Variants in MTHFSD observed in about 807,000 individuals in gnomAD.
MTHFSD encodes methenyltetrahydrofolate synthase domain-containing protein.
MTHFSD carries 37 observed loss-of-function variants against 31.1 expected under a neutral mutation model. That is an observed-to-expected ratio of 1.19 (90% CI 0.91 to 1.56). The LOEUF is 1.56. Ranked by LOEUF, MTHFSD falls within the 40% of genes most tolerant of loss-of-function variation. The probability of loss-of-function intolerance (pLI) is 0.00; values close to 1 mark genes in which losing one functional copy is unlikely to be tolerated. For synonymous variants in MTHFSD, 221 were observed against 206.9 expected, an observed-to-expected ratio of 1.07 and a Z score of -0.59; for missense variants, 664 against 510.1, an observed-to-expected ratio of 1.30 and a Z score of -2.91.
At chr16:86,541,947 G>T in intron 6 of MTHFSD, 125 bp from the exon 7 acceptor site, 1 of 1,398,022 alleles carries the variant, frequency 7.2e-7, no homozygotes, top group Non-Finnish European at 9.9e-7. Context: ...TGGGGCTAAG[G>T]CTTAGCCGCT....
chr16:86,547,170 A>C, intron 4 of MTHFSD: 2 of 986,944 alleles, frequency 2.0e-6, no homozygotes, highest in African/African-American at 3.5e-5. Context: ...TTTATTCAAT[A>C]TAAAATCCTG....
chr16:86,552,099 G>C lies in MTHFSD; in HGVS notation c.171C>G (p.Ala57=), dbSNP rs772869091. The change falls in exon 3 of 8, where the codon GCC becomes GCG. Residue 57 remains alanine (A), a synonymous_variant. Coordinates refer to ENST00000360900, the MANE Select transcript of MTHFSD (RefSeq NM_001159377.2). ...GGTCCACTTTAACTTCCTGTGTTCT[G>C]GCAAAAACGTCTAGGTCTTTGATGT... ...CQNIKDLDVF[A]RTQEVKVDPD... The C allele has an allele frequency of 6.2e-7, 1 of 1,614,124 alleles. No individual in the cohort carries two copies.
In MTHFSD at chr16:86,532,187, G is replaced by A; in HGVS notation, c.976C>T (p.Leu326=). 2 of 1,580,050 alleles carry A rather than the reference G, an allele frequency of 1.3e-6. No homozygotes were observed. Among genetic ancestry groups the A allele is most frequent in the Non-Finnish European group, 1.7e-6 (2 of 1,163,054 alleles). ...DARVSDLKRA[L]RELGSVPLRL... ...AGGGGCACGGAGCCGAGTTCCCGCA[G>A]GGCTCTCTTCAGGTCACTCACACGG... Residue 326 remains leucine (L), a synonymous_variant, in exon 8 of 8, where the codon CTG becomes TTG. Coordinates refer to ENST00000360900, the MANE Select transcript of MTHFSD (RefSeq NM_001159377.2).
intron 3 of MTHFSD, among the ~76,000 whole-genome samples, chr16:86,551,758 C>G (rs765626793): frequency 6.6e-6 from 1 of 152,204 alleles, no homozygotes; most frequent in African/African-American, 2.4e-5. Context: ...GGTTCCCTCT[C>G]CTGTGCCAAC....
chr16:86,546,165 G>A lies in MTHFSD; in HGVS notation c.442+394C>T, dbSNP rs78979106. 2.3e-3 allele frequency among the ~76,000 whole-genome samples: 356 copies of A among 152,364 alleles called. 1 individual carries two copies. The highest frequency in any genetic ancestry group is 0.014 in the Middle Eastern group (4 of 294). On this transcript the variant is annotated intron_variant, in intron 5 of 7. Transcript: ENST00000360900. ...GACACACCGTGTTGTTCAAGAGTCT[G>A]CTGCTTCATAATAAAAACAAAGCTT...
chr16:86,538,465 C>T (rs1298930056), intron 7 of MTHFSD, among the ~76,000 whole-genome samples: 1 of 152,204 alleles, frequency 6.6e-6, no homozygotes, highest in Non-Finnish European at 1.5e-5. Context: ...CATAGGACAC[C>T]ACTCAGCCCT....
intron 7 of MTHFSD, chr16:86,535,439 T>C: frequency 1.0e-6 from 1 of 985,428 alleles, no homozygotes; most frequent in Non-Finnish European, 1.2e-6. Flanking sequence ...TGTCTGGACG[T>C]CATGGTTGGG....
rs371031373 is a variant in MTHFSD, at chr16:86,532,523, G to A, written c.682-42C>T. On this transcript the variant is annotated intron_variant, in intron 7 of 7. Coordinates refer to ENST00000360900, the MANE Select transcript of MTHFSD (RefSeq NM_001159377.2). ...TTGCAGCTCTTTCAGGGACAGAATC[G>A]CAGGGGCACCTGCCACACACGCATC... 24 of 1,369,700 alleles carry A rather than the reference G, an allele frequency of 1.8e-5. No homozygotes were observed. In the African/African-American group the frequency reaches 2.1e-4, roughly 12 times the overall value. The allele number at this position is 1,369,700 out of a possible 1,614,324, so 84.8% of individuals were successfully genotyped here.
chr16:86,541,882 T>G lies in MTHFSD; in HGVS notation c.556-60A>C, dbSNP rs1320288750. The G allele has an allele frequency of 2.1e-5, 34 of 1,598,496 alleles. No homozygotes were observed. The East Asian group carries it at 7.4e-4, about 35-fold the overall frequency. ...GGAATGCCACTGCAGTCGTGCACAC[T>G]GCCCCGCTCGGTGGGAACGTGAGGC... On this transcript the variant is annotated intron_variant, in intron 6 of 7. Coordinates refer to ENST00000360900, the MANE Select transcript of MTHFSD (RefSeq NM_001159377.2).
chr16:86,549,418 A>T lies in MTHFSD; in HGVS notation c.238-841T>A, dbSNP rs1055175891. On this transcript the variant is annotated intron_variant, in intron 3 of 7. Coordinates refer to ENST00000360900, the MANE Select transcript of MTHFSD (RefSeq NM_001159377.2). Reference sequence around the variant, plus strand: ...AGGAGATGACAACCCAAGACCAATAAAAGACCCATGACATCTGTTTGGCCT... The same window carrying T: ...AGGAGATGACAACCCAAGACCAATATAAGACCCATGACATCTGTTTGGCCT... Among the ~76,000 whole-genome samples, 3 of 152,188 alleles carry T rather than the reference A, an allele frequency of 2.0e-5. No individual in the cohort carries two copies. In the South Asian group the frequency reaches 6.2e-4, roughly 31 times the overall value.
chr16:86,533,194 TCTAATCAATTAG>T (rs1419787552), intron 7 of MTHFSD: 2 of 152,260 alleles, frequency 1.3e-5, no homozygotes, highest in African/African-American at 4.8e-5. Context: ...TCTGGATTTT[TCTAATCAATTAG>T]CTACGGCAGC....
intron 5 of MTHFSD, among the ~76,000 whole-genome samples, chr16:86,543,523 G>C (rs1008102780): frequency 6.6e-6 from 1 of 152,194 alleles, no homozygotes; most frequent in Non-Finnish European, 1.5e-5. Flanking sequence ...GCGGGGGTGG[G>C]CTTCAGTTAC....
In MTHFSD at chr16:86,542,351, C is replaced by T; in HGVS notation, c.443-138G>A. The T allele has an allele frequency of 4.3e-6, 3 of 691,834 alleles. No individual in the cohort carries two copies. Among genetic ancestry groups the T allele is most frequent in the Non-Finnish European group, 7.2e-6 (3 of 419,492 alleles). 42.9% of individuals were successfully genotyped at this position (691,834 alleles called of 1,614,324 possible). On this transcript the variant is annotated intron_variant, in intron 5 of 7. Transcript: ENST00000360900. This position sits in a 1 kb window ranked among gnomAD's most constrained non-coding sequence, Gnocchi z 4.6. Reference sequence around the variant, plus strand: ...TCTATAGAAATTTTCACAGAAATGCCCACCAAATGCCCACAAGCAGCCCAC... The same window carrying T: ...TCTATAGAAATTTTCACAGAAATGCTCACCAAATGCCCACAAGCAGCCCAC...
chr16:86,549,392 CAGG>C (rs1453605333), intron 3 of MTHFSD, among the ~76,000 whole-genome samples: 4 of 152,230 alleles, frequency 2.6e-5, no homozygotes, highest in Admixed American at 2.6e-4. Context: ...AGTTTTTGAG[CAGG>C]AGATGACAAC....
Position 86,530,891 on chromosome 16 carries a change from T to A in MTHFSD, c.*1120A>T, listed in dbSNP as rs375657416. The A allele has an allele frequency of 6.6e-6, 1 of 152,252 alleles. No individual in the cohort carries two copies. The highest frequency in any genetic ancestry group is 1.5e-5 in the Non-Finnish European group (1 of 68,054). The allele number at this position is 152,252 out of a possible 1,614,324, so 9.4% of individuals were successfully genotyped here. On this transcript the variant is annotated 3_prime_UTR_variant, in exon 8 of 8. Transcript: ENST00000360900. Reference sequence around the variant, plus strand: ...TTCATGGCGACTTGGGAAGGAAATCTGTCTTTAATGAGCAAATGTAAGGCT... The same window carrying A: ...TTCATGGCGACTTGGGAAGGAAATCAGTCTTTAATGAGCAAATGTAAGGCT...
Position 86,555,220 on chromosome 16 carries a change from G to A in MTHFSD, c.-36C>T, listed in dbSNP as rs762790815. 3.3e-6 allele frequency: 5 copies of A among 1,535,864 alleles called. No individual in the cohort carries two copies. The highest frequency in any genetic ancestry group is 2.4e-5 in the South Asian group (2 of 84,014). On this transcript the variant is annotated 5_prime_UTR_variant, in exon 1 of 8. Coordinates refer to ENST00000360900, the MANE Select transcript of MTHFSD (RefSeq NM_001159377.2). ...TCGCTGTGCGACGCTTCCCGGCGCA[G>A]GTTCTGGCGCGTAGTGACGTCACCC...
chr16:86,531,686 C>T lies in MTHFSD; in HGVS notation c.*325G>A, dbSNP rs554981303. ...AACTCGAGATCACCTTCACATCACC[C>T]TCCCCTGCTTAGCCACTCACTCAGT... On this transcript the variant is annotated 3_prime_UTR_variant, in exon 8 of 8. Transcript: ENST00000360900. This position sits in a 1 kb window ranked among gnomAD's most constrained non-coding sequence, Gnocchi z 5.5. 1.7e-4 allele frequency: 38 copies of T among 226,458 alleles called. No individual in the cohort carries two copies. Among genetic ancestry groups the T allele is most frequent in the African/African-American group, 8.1e-4 (36 of 44,436 alleles). 14.0% of individuals were successfully genotyped at this position (226,458 alleles called of 1,614,324 possible).
In MTHFSD at chr16:86,532,489, G is replaced by A. The variant is rs1970106319; in HGVS notation, c.682-8C>T. On this transcript the variant is annotated splice_region_variant and splice_polypyrimidine_tract_variant and intron_variant, in intron 7 of 7. Coordinates refer to ENST00000360900, the MANE Select transcript of MTHFSD (RefSeq NM_001159377.2). Reference sequence around the variant, plus strand: ...CATCATCTCCAGGCTGATCTGAAAAGCAAAGCAGTTGCAGCTCTTTCAGGG... The same window carrying A: ...CATCATCTCCAGGCTGATCTGAAAAACAAAGCAGTTGCAGCTCTTTCAGGG... The A allele has an allele frequency of 7.2e-6, 10 of 1,396,656 alleles. 1 individual carries two copies. In the South Asian group the frequency reaches 1.5e-4, roughly 21 times the overall value. The allele number at this position is 1,396,656 out of a possible 1,614,324, so 86.5% of individuals were successfully genotyped here.
chr16:86,550,564 GC>G (rs1972991469), intron 3 of MTHFSD, among the ~76,000 whole-genome samples: 1 of 152,210 alleles, frequency 6.6e-6, no homozygotes, highest in Admixed American at 6.5e-5. Flanking sequence ...CTGAGGTGGA[GC>G]CTCTCTGTCT....
Sources: gnomAD v4.1 joint callset for allele counts (sites outside exome capture counted in the v4.1 genomes callset) on GRCh38, gnomAD v4.1.1 for gene constraint, Gnocchi (gnomAD v3.1) non-coding constraint, MANE v1.5 for transcripts, NCBI Gene and HGNC (gene_info 2026-07-23, HGNC 2026-07-21) for gene names.